The following PKN2 variants were observed in gnomAD, a reference collection of about 807,000 sequenced individuals.
PKN2 encodes the protein protein kinase N2, also known as serine/threonine-protein kinase N2.
In PKN2, 38 loss-of-function variants were observed where a neutral mutation model predicts 119.1. That is an observed-to-expected ratio of 0.32 (90% confidence interval 0.25 to 0.42). The LOEUF (loss-of-function observed/expected upper bound fraction) is 0.42. Among genes scored for constraint, PKN2 ranks in the 10% least tolerant of loss-of-function variants. PKN2 has a pLI of 1.00. For missense variants in PKN2, 850 were observed against 1,165.1 expected (o/e 0.73, Z 3.94); for synonymous variants, 390 against 384.9 (o/e 1.01, Z -0.15).
intron 3 of PKN2, among the ~76,000 whole-genome samples, chr1:88,765,435 C>G (rs754740888): frequency 6.6e-6 from 1 of 152,150 alleles, no homozygotes; most frequent in Non-Finnish European, 1.5e-5. Flanking sequence ...CCATCCAGGT[C>G]CCTCCAACCG....
chr1:88,775,333 T>C (rs1387045521), intron 6 of PKN2, among the ~76,000 whole-genome samples: 2 of 152,210 alleles, frequency 1.3e-5, no homozygotes, highest in East Asian at 1.9e-4. Flanking sequence ...TTTTCCACAA[T>C]GGTCATACAG....
intron 2 of PKN2, among the ~76,000 whole-genome samples, chr1:88,753,684 G>GA (rs1178805659): frequency 1.4e-5 from 2 of 139,670 alleles, no homozygotes; most frequent in African/African-American, 6.0e-5. Flanking sequence ...GAGCGAGAGA[G>GA]AGAGTGGGAG....
chr1:88,741,518 C>G (rs1409720910), intron 2 of PKN2, among the ~76,000 whole-genome samples: 1 of 152,070 alleles, frequency 6.6e-6, no homozygotes, highest in Non-Finnish European at 1.5e-5. Context: ...TGTATTCTCT[C>G]TTACTCTCTA....
chr1:88,832,713 G>T, intron 19 of PKN2, 31 bp from the exon 20 acceptor site: 3 of 1,295,646 alleles, frequency 2.3e-6, no homozygotes, highest in African/African-American at 3.0e-5. Context: ...CTTAAAACTT[G>T]CTTTAACTTA....
chr1:88,697,326 A>T (rs1005587089), intron 1 of PKN2, among the ~76,000 whole-genome samples: 1 of 152,144 alleles, frequency 6.6e-6, no homozygotes, highest in East Asian at 1.9e-4. Context: ...TTTAAAAAAC[A>T]TTATATGACC....
intron 1 of PKN2, among the ~76,000 whole-genome samples, chr1:88,688,876 A>G (rs1245041324): frequency 6.6e-6 from 1 of 152,256 alleles, no homozygotes; most frequent in Non-Finnish European, 1.5e-5. Flanking sequence ...AGAGAAGTTC[A>G]TTATAATCTT....
intron 1 of PKN2, chr1:88,685,352 A>G (rs894116429): frequency 6.7e-6 from 1 of 149,488 alleles, no homozygotes; most frequent in African/African-American, 2.5e-5. Context: ...TCAGACTTTC[A>G]TTTTCCCTCT....
chr1:88,733,037 G>C lies in PKN2; in HGVS notation c.49-7951G>C, dbSNP rs956961888. On this transcript the variant is annotated intron_variant, in intron 1 of 21. Transcript: ENST00000370521. Reference sequence around the variant, plus strand: ...ACGGGTAGGGAAGGATGGGTTAATGGGTACAAAAAAGTTGGGAATATGTAA... The same window carrying C: ...ACGGGTAGGGAAGGATGGGTTAATGCGTACAAAAAAGTTGGGAATATGTAA... Among the ~76,000 whole-genome samples the C allele has an allele frequency of 2.0e-5, 3 of 152,032 alleles. No individual in the cohort carries two copies. The East Asian group carries it at 5.8e-4, about 29-fold the overall frequency.
intron 3 of PKN2, among the ~76,000 whole-genome samples, chr1:88,761,270 T>C (rs1669428896): frequency 6.6e-6 from 1 of 152,176 alleles, no homozygotes; most frequent in East Asian, 1.9e-4. Flanking sequence ...GAGAAAGATA[T>C]AAAGTTATAA....
At chr1:88,689,223 G>A (rs1380493677) in intron 1 of PKN2, among the ~76,000 whole-genome samples, 3 of 152,234 alleles carry the variant, frequency 2.0e-5, no homozygotes, top group East Asian at 1.9e-4. Context: ...CAGAAAATGT[G>A]GAAAAGCACA....
intron 6 of PKN2, among the ~76,000 whole-genome samples, chr1:88,781,679 A>T (rs1459660668): frequency 6.6e-6 from 1 of 152,132 alleles, no homozygotes; most frequent in Non-Finnish European, 1.5e-5. Flanking sequence ...AAATGAAAGC[A>T]GGTGTTGAGC....
intron 7 of PKN2, 27 bp downstream of exon 7, chr1:88,784,851 A>G: frequency 2.0e-6 from 3 of 1,485,128 alleles, no homozygotes; most frequent in Admixed American, 1.9e-5. Context: ...TTTAAAAATC[A>G]TGTAACAAAC....
intron 2 of PKN2, among the ~76,000 whole-genome samples, chr1:88,744,327 G>T (rs1232129042): frequency 6.6e-6 from 1 of 152,202 alleles, no homozygotes; most frequent in East Asian, 1.9e-4. Context: ...GGGTACATAA[G>T]CTTAGTAAGC....
At chr1:88,804,141 T>C (rs1224937430) in intron 8 of PKN2, among the ~76,000 whole-genome samples, 3 of 152,194 alleles carry the variant, frequency 2.0e-5, no homozygotes, top group Non-Finnish European at 4.4e-5. Flanking sequence ...ATTCTTTAAG[T>C]ATACTTTAGG....
chr1:88,741,092 A>T lies in PKN2; in HGVS notation c.153A>T (p.Arg51=). ...AGAAATTGGATGATATCAAGGATCG[A>T]ATTAAGAGAGAAATAAGGAAAGAAC... ...VQQKLDDIKD[R]IKREIRKELK... The change falls in exon 2 of 22, where the codon CGA becomes CGT. Residue 51 remains arginine (R), a synonymous_variant. Coordinates refer to ENST00000370521, the MANE Select transcript of PKN2 (RefSeq NM_006256.4). The T allele has an allele frequency of 6.2e-7, 1 of 1,611,972 alleles. No individual in the cohort carries two copies. Among genetic ancestry groups the T allele is most frequent in the Non-Finnish European group, 8.5e-7 (1 of 1,179,052 alleles).
At chr1:88,802,472 C>G (rs1435869637) in intron 8 of PKN2, among the ~76,000 whole-genome samples, 2 of 152,052 alleles carry the variant, frequency 1.3e-5, no homozygotes, top group Non-Finnish European at 2.9e-5. Flanking sequence ...ACCACAGGTG[C>G]GTGCACCACG....
At chr1:88,757,191 G>A (rs912694904) in intron 2 of PKN2, among the ~76,000 whole-genome samples, 1 of 152,134 alleles carries the variant, frequency 6.6e-6, no homozygotes, top group Non-Finnish European at 1.5e-5. Context: ...CCTGTTTCCT[G>A]ATATGTAAAG....
At chr1:88,685,288 G>A (rs1288483648) in intron 1 of PKN2, 3 of 150,520 alleles carry the variant, frequency 2.0e-5, no homozygotes, top group Non-Finnish European at 3.0e-5. Flanking sequence ...TAAATACAGG[G>A]TGCCTTTCTC....
rs549058009 is a variant in PKN2 at position 88,791,340 on chromosome 1, G to A, written c.1281+5127G>A. Among the ~76,000 whole-genome samples, 18 of 151,962 alleles carry A rather than the reference G, an allele frequency of 1.2e-4. No individual in the cohort carries two copies. In the South Asian group the frequency reaches 3.7e-3, roughly 32 times the overall value. Reference sequence around the variant, plus strand: ...AATCCCAGCTAACCTAGGAGGCTGAGGCATGCGAATTGCTTAAACCCAGAA... The same window carrying A: ...AATCCCAGCTAACCTAGGAGGCTGAAGCATGCGAATTGCTTAAACCCAGAA... On this transcript the variant is annotated intron_variant, in intron 8 of 21. Coordinates refer to ENST00000370521, the MANE Select transcript of PKN2 (RefSeq NM_006256.4).
Sources: gnomAD v4.1 joint callset for allele counts (sites outside exome capture counted in the v4.1 genomes callset) on GRCh38, gnomAD v4.1.1 for gene constraint, MANE v1.5 for transcripts, NCBI Gene and HGNC (gene_info 2026-07-23, HGNC 2026-07-21) for gene names.